Variants in MTDH observed in about 807,000 individuals in gnomAD.
MTDH encodes the protein protein LYRIC.
MTDH carries 34 observed loss-of-function variants against 72.7 expected under a neutral mutation model. That is an observed-to-expected ratio of 0.47 (90% CI 0.36 to 0.62). The LOEUF (loss-of-function observed/expected upper bound fraction) is 0.62. MTDH is among the 20% of genes least tolerant of loss of function. MTDH has a pLI of 0.00. For missense variants in MTDH, 677 were observed against 699.4 expected (o/e 0.97, Z 0.36); for synonymous variants, 266 against 268.9 (o/e 0.99, Z 0.10).
rs201033854 is a variant in MTDH at position 97,718,709 on chromosome 8, T to G, written c.1381-340T>G. On this transcript the variant is annotated intron_variant, in intron 9 of 11. Transcript: ENST00000336273. ...ATTTTTGTAGTTTTGTAGTTTTGGG[T>G]TTTTTTTTTTTCTTTGAGACAGAAT... Among the ~76,000 whole-genome samples the G allele has an allele frequency of 3.1e-5, 4 of 130,570 alleles. No individual in the cohort carries two copies. The East Asian group carries it at 8.0e-4, about 26-fold the overall frequency. 85.7% of individuals were successfully genotyped at this position (130,570 alleles called of 152,430 possible). A position where few individuals can be genotyped will look rare whatever the true frequency, so the allele number is the denominator to read the frequency against.
intron 2 of MTDH, among the ~76,000 whole-genome samples, chr8:97,678,829 A>G (rs532402439): frequency 6.6e-6 from 1 of 152,108 alleles, no homozygotes; most frequent in South Asian, 2.1e-4. Flanking sequence ...TACTTTTACA[A>G]AGAATTTATA....
chr8:97,665,042 G>A (rs1337002551), intron 2 of MTDH, among the ~76,000 whole-genome samples: 10 of 152,168 alleles, frequency 6.6e-5, no homozygotes, highest in East Asian at 1.9e-4. Context: ...GATTACAGGC[G>A]TGAGCCAGTA....
intron 2 of MTDH, among the ~76,000 whole-genome samples, chr8:97,682,280 A>ATTTT (rs1175139487): frequency 2.8e-4 from 1 of 3,630 alleles, no homozygotes; most frequent in African/African-American, 8.2e-4. Context: ...ATATATATAT[A>ATTTT]TTTTTTTTTT....
chr8:97,662,352 A>T (rs35818252), intron 2 of MTDH, among the ~76,000 whole-genome samples: 5,675 of 150,336 alleles, frequency 0.038, 359 homozygotes, highest in African/African-American at 0.13. Flanking sequence ...CCCCCTTTTT[A>T]AAAAAAAATC....
In MTDH at chr8:97,713,726, AAAAG is replaced by A; in HGVS notation, c.1341_1344del (p.Lys448ArgfsTer17). The stretch of plus-strand genomic sequence containing the variant: ...CCAACTGGGAAATCCAAAAAGAAAA[AAAAG>A]AAAAAGAAGAAGCAAGGTGAAGATA... On this transcript the variant is annotated frameshift_variant, in exon 9 of 12. Transcript: ENST00000336273. LOFTEE classifies it high-confidence loss of function. The A allele has an allele frequency of 6.2e-7, 1 of 1,608,826 alleles. No individual in the cohort carries two copies. The highest frequency in any genetic ancestry group is 8.5e-7 in the Non-Finnish European group (1 of 1,177,962).
At chr8:97,697,489 G>A (rs895645019) in intron 6 of MTDH, among the ~76,000 whole-genome samples, 2 of 142,714 alleles carry the variant, frequency 1.4e-5, no homozygotes, top group Admixed American at 7.5e-5. Context: ...TGGTTCAAAC[G>A]ATTCTCCTGC....
At chr8:97,666,665 A>G (rs540431848) in intron 2 of MTDH, among the ~76,000 whole-genome samples, 1 of 152,290 alleles carries the variant, frequency 6.6e-6, no homozygotes, top group African/African-American at 2.4e-5. Context: ...ATCATGAACC[A>G]AGGCAGTGGA....
At chr8:97,715,523 A>T (rs1361529051) in intron 9 of MTDH, among the ~76,000 whole-genome samples, 1 of 152,234 alleles carries the variant, frequency 6.6e-6, no homozygotes, top group African/African-American at 2.4e-5. Flanking sequence ...CTCATAAATG[A>T]TACAAGCTTA....
Position 97,687,531 on chromosome 8 carries a change from T to C in MTDH, c.671T>C (p.Ile224Thr). ...SGSLDSTIPGIENTITVTTEQ... is the reference protein window; with the variant it reads ...SGSLDSTIPGTENTITVTTEQ... ...TCATTGGATTCAACTATCCCTGGGA[T>C]AGAAAATACCATCACAGTTACCACC... The change falls in exon 4 of 12, where the codon ATA becomes ACA. Residue 224 changes from isoleucine (I) to threonine (T), a missense_variant. Ile to Thr is a moderately conservative substitution (Grantham distance 89). Coordinates refer to ENST00000336273, the MANE Select transcript of MTDH (RefSeq NM_178812.4). The C allele has an allele frequency of 6.2e-7, 1 of 1,613,576 alleles. No homozygotes were observed. The highest frequency in any genetic ancestry group is 8.5e-7 in the Non-Finnish European group (1 of 1,179,740).
chr8:97,684,992 G>T (rs1813302822), intron 2 of MTDH, among the ~76,000 whole-genome samples: 1 of 152,146 alleles, frequency 6.6e-6, no homozygotes, highest in Non-Finnish European at 1.5e-5. Flanking sequence ...CTTGAACCTG[G>T]GAGGCAGAGG....
chr8:97,670,087 T>C (rs971808290), intron 2 of MTDH, among the ~76,000 whole-genome samples: 8 of 150,436 alleles, frequency 5.3e-5, no homozygotes, highest in African/African-American at 2.0e-4. Flanking sequence ...GGCTGAGACA[T>C]GTGGATCACT....
At chr8:97,703,797 A>T (rs1814237855) in intron 7 of MTDH, among the ~76,000 whole-genome samples, 1 of 152,228 alleles carries the variant, frequency 6.6e-6, no homozygotes, top group South Asian at 2.1e-4. Context: ...CAGTGATAAT[A>T]AAAACAGTAG....
In MTDH at chr8:97,683,045, C is replaced by CTTTTTTTTTTTTTTTT. The variant is rs71271144; in HGVS notation, c.484-3601_484-3586dup. On this transcript the variant is annotated intron_variant, in intron 2 of 11. Coordinates refer to ENST00000336273, the MANE Select transcript of MTDH (RefSeq NM_178812.4). ...CTTTACCCTATGATGCTCTTAGACA[C>CTTTTTTTTTTTTTTTT]TTTTTTTTTTTTTTTTTTTTTTTTT... is the stretch of plus-strand genomic sequence containing the variant. 1.1e-4 allele frequency among the ~76,000 whole-genome samples: 5 copies of CTTTTTTTTTTTTTTTT among 44,386 alleles called. 1 individual carries two copies. Among genetic ancestry groups the CTTTTTTTTTTTTTTTT allele is most frequent in the East Asian group, 2.0e-3 (2 of 1,000 alleles). The allele number at this position is 44,386 out of a possible 152,430, so 29.1% of individuals were successfully genotyped here. A position where few individuals can be genotyped will look rare whatever the true frequency, so the allele number is the denominator to read the frequency against.
intron 2 of MTDH, among the ~76,000 whole-genome samples, chr8:97,670,313 T>TA (rs1270245218): frequency 6.6e-6 from 1 of 151,526 alleles, no homozygotes. Flanking sequence ...AGACCCTGTC[T>TA]AAAAAAAACA....
At position 97,644,875 on chromosome 8, in the gene MTDH, C is replaced by G. The variant is rs557335544; in HGVS notation, c.369C>G (p.Ser123=). ...EQKKKNRKKL[S]EKPKPNGRTV... ...AGAAGAAGAACCGGAAGAAACTGTC[C>G]GAGAAGCCCAAAGTGAGTATGGGAT... Residue 123 remains serine (S), a synonymous_variant, in exon 1 of 12, where the codon TCC becomes TCG. Transcript: ENST00000336273. 2.9e-5 allele frequency: 46 copies of G among 1,562,552 alleles called. No individual in the cohort carries two copies. Among genetic ancestry groups the G allele is most frequent in the Non-Finnish European group, 4.0e-5 (46 of 1,163,832 alleles).
chr8:97,710,683 CAAA>C (rs376391821), intron 8 of MTDH, among the ~76,000 whole-genome samples: 3,657 of 52,722 alleles, frequency 0.069, 46 homozygotes, highest in Non-Finnish European at 0.08. Context: ...GAGACTATCT[CAAA>C]AAAAAAAAAA....
intron 1 of MTDH, among the ~76,000 whole-genome samples, chr8:97,648,882 CTAT>C (rs755837475): frequency 3.3e-5 from 5 of 152,086 alleles, no homozygotes; most frequent in Non-Finnish European, 5.9e-5. Context: ...CAGCTTACTC[CTAT>C]TATTCATGCT....
intron 6 of MTDH, 107 bp from the exon 7 acceptor site, chr8:97,699,647 G>T: frequency 1.7e-5 from 11 of 663,606 alleles, no homozygotes; most frequent in South Asian, 9.4e-5. Context: ...TTCCTTTTAG[G>T]AGAAATTTTA....
At chr8:97,658,041 C>T (rs1444914383) in intron 1 of MTDH, among the ~76,000 whole-genome samples, 1 of 152,148 alleles carries the variant, frequency 6.6e-6, no homozygotes, top group Non-Finnish European at 1.5e-5. Context: ...GGAGAATCAC[C>T]TCAGTGTATT....
Sources: allele counts gnomAD v4.1 joint callset (sites outside exome capture counted in the v4.1 genomes callset), GRCh38; gene constraint gnomAD v4.1.1; transcripts MANE v1.5; gene names NCBI Gene and HGNC (gene_info 2026-07-23, HGNC 2026-07-21).